Variants in IPCEF1 observed in about 807,000 individuals in gnomAD.
The protein encoded by IPCEF1 is interactor protein for cytohesin exchange factors 1.
Under a neutral mutation model 50.9 loss-of-function variants are expected in IPCEF1, and 31 were observed. That is an observed-to-expected ratio of 0.61 (90% CI 0.46 to 0.82). The LOEUF (loss-of-function observed/expected upper bound fraction) is 0.82. Ranked by LOEUF, IPCEF1 falls within the 40% of genes least tolerant of loss-of-function variation. The pLI, the probability that IPCEF1 is intolerant of heterozygous loss-of-function variation, is 0.00. For missense variants in IPCEF1, 458 were observed against 514.0 expected (o/e 0.89, Z 1.05); for synonymous variants, 181 against 192.0 (o/e 0.94, Z 0.47).
At chr6:154,266,934 T>C (rs1188770661) in intron 2 of IPCEF1, among the ~76,000 whole-genome samples, 1 of 152,122 alleles carries the variant, frequency 6.6e-6, no homozygotes, top group African/African-American at 2.4e-5. Context: ...TTCAACTTCA[T>C]CCCAGTGACA....
intron 3 of IPCEF1, among the ~76,000 whole-genome samples, chr6:154,262,122 G>A (rs532666708): frequency 2.6e-5 from 4 of 152,310 alleles, no homozygotes; most frequent in East Asian, 1.9e-4. Flanking sequence ...CAGCAGTGCC[G>A]CCCAGACACT....
chr6:154,282,163 T>C (rs1782232700), intron 2 of IPCEF1, among the ~76,000 whole-genome samples: 1 of 151,284 alleles, frequency 6.6e-6, no homozygotes, highest in South Asian at 2.1e-4. Flanking sequence ...AGCAAGACTC[T>C]GTCTCAAAAT....
chr6:154,339,194 T>G (rs1271566875), intron 1 of IPCEF1, among the ~76,000 whole-genome samples: 2 of 152,178 alleles, frequency 1.3e-5, no homozygotes, highest in Non-Finnish European at 2.9e-5. Flanking sequence ...TCAAATAAAC[T>G]CTATACTTGA....
At chr6:154,178,152 T>TGGGGGGGGGGGGGGGGGTG (rs1554289111) in intron 10 of IPCEF1, among the ~76,000 whole-genome samples, 1 of 38,844 alleles carries the variant, frequency 2.6e-5, no homozygotes, top group African/African-American at 1.0e-4. Context: ...GGTGGGGGGC[T>TGGGGGGGGGGGGGGGGGTG]GGGGGAGGGA....
rs933345267 is a variant in IPCEF1, at chr6:154,345,474, C to T, written c.-62+11198G>A. 3.9e-5 allele frequency among the ~76,000 whole-genome samples: 6 copies of T among 152,244 alleles called. No individual in the cohort carries two copies. The South Asian group carries it at 1.0e-3, about 26-fold the overall frequency. Reference sequence around the variant, plus strand: ...TACTAGTCTCCAGGACCACGAAGCACCAATATAAGATCGCAAAAAAATACA... The same window carrying T: ...TACTAGTCTCCAGGACCACGAAGCATCAATATAAGATCGCAAAAAAATACA... On this transcript the variant is annotated intron_variant, in intron 1 of 11. Coordinates refer to ENST00000367220, the MANE Select transcript of IPCEF1 (RefSeq NM_001130700.2).
At chr6:154,343,897 T>TG (rs1459412229) in intron 1 of IPCEF1, among the ~76,000 whole-genome samples, 2 of 152,228 alleles carry the variant, frequency 1.3e-5, no homozygotes, top group Non-Finnish European at 2.9e-5. Context: ...CTCTTGCCCT[T>TG]GCCCCGTGGT....
intron 1 of IPCEF1, among the ~76,000 whole-genome samples, chr6:154,317,279 A>G (rs1341058284): frequency 1.3e-5 from 2 of 149,638 alleles, no homozygotes; most frequent in African/African-American, 4.9e-5. Flanking sequence ...GCCAGGCACA[A>G]TGGCTCACGC....
intron 9 of IPCEF1, among the ~76,000 whole-genome samples, chr6:154,202,749 G>A (rs898323698): frequency 3.9e-5 from 6 of 152,096 alleles, no homozygotes; most frequent in Admixed American, 3.3e-4. Flanking sequence ...AAGTGTCATC[G>A]TGTTTGTGCT....
intron 3 of IPCEF1, among the ~76,000 whole-genome samples, chr6:154,257,128 G>T (rs957646661): frequency 6.6e-6 from 1 of 152,158 alleles, no homozygotes; most frequent in Non-Finnish European, 1.5e-5. Flanking sequence ...GATCCAGTTG[G>T]TGACTAAATT....
chr6:154,345,468 G>A (rs765209989), intron 1 of IPCEF1, among the ~76,000 whole-genome samples: 21 of 152,106 alleles, frequency 1.4e-4, no homozygotes, highest in Non-Finnish European at 2.4e-4. Context: ...CCAGGACCAC[G>A]AAGCACCAAT....
At chr6:154,233,589 A>G (rs1254990916) in intron 5 of IPCEF1, among the ~76,000 whole-genome samples, 1 of 152,184 alleles carries the variant, frequency 6.6e-6, no homozygotes, top group Non-Finnish European at 1.5e-5. Flanking sequence ...CAGAACCCAG[A>G]GATTCTTGGC....
intron 5 of IPCEF1, among the ~76,000 whole-genome samples, chr6:154,225,010 T>A (rs966012942): frequency 3.3e-5 from 5 of 152,310 alleles, no homozygotes; most frequent in African/African-American, 1.2e-4. Context: ...AAAAACTATG[T>A]TAGGTCTCAT....
chr6:154,214,179 A>G, intron 8 of IPCEF1, 39 bp downstream of exon 8: 6 of 1,316,398 alleles, frequency 4.6e-6, no homozygotes, highest in Non-Finnish European at 4.4e-6. Flanking sequence ...CTGTTCTAAT[A>G]TTCTTGCTAA....
chr6:154,221,639 C>T (rs1281897924), intron 6 of IPCEF1, among the ~76,000 whole-genome samples: 2 of 151,986 alleles, frequency 1.3e-5, no homozygotes, highest in African/African-American at 4.8e-5. Context: ...TTTGGGAGGC[C>T]GAGGCGGGCA....
intron 7 of IPCEF1, chr6:154,218,982 CTT>C (rs998246789): frequency 6.6e-6 from 1 of 152,178 alleles, no homozygotes; most frequent in African/African-American, 2.4e-5. Context: ...CTGTGAAAGA[CTT>C]TGATTTCACA....
intron 1 of IPCEF1, among the ~76,000 whole-genome samples, chr6:154,307,538 A>G (rs1452546362): frequency 6.6e-6 from 1 of 151,944 alleles, no homozygotes; most frequent in Admixed American, 6.5e-5. Flanking sequence ...TTAGGACTTC[A>G]GCATATGAAT....
chr6:154,291,051 G>A (rs561830680), intron 1 of IPCEF1, among the ~76,000 whole-genome samples: 16 of 151,878 alleles, frequency 1.1e-4, no homozygotes, highest in Non-Finnish European at 1.6e-4. Flanking sequence ...CTGCCACCAC[G>A]CCTGGCTAAT....
chr6:154,216,778 G>C (rs1778429040), intron 7 of IPCEF1, among the ~76,000 whole-genome samples: 1 of 152,182 alleles, frequency 6.6e-6, no homozygotes, highest in Admixed American at 6.5e-5. Flanking sequence ...TGAGGCAGGA[G>C]AATCGCTTGA....
At chr6:154,222,943 A>G (rs1778982313) in intron 6 of IPCEF1, 1 of 567,490 alleles carries the variant, frequency 1.8e-6, no homozygotes, top group African/African-American at 1.9e-5. Context: ...GTCCATGCCA[A>G]GACTTCGTGG....
Sources: gnomAD v4.1 joint callset for allele counts (sites outside exome capture counted in the v4.1 genomes callset) on GRCh38, gnomAD v4.1.1 for gene constraint, MANE v1.5 for transcripts, NCBI Gene and HGNC (gene_info 2026-07-23, HGNC 2026-07-21) for gene names.